SGCZ: variants seen among roughly 807,000 people sequenced by gnomAD.
SGCZ encodes the protein sarcoglycan zeta.
In SGCZ, 40 loss-of-function variants were observed where a neutral mutation model predicts 41.3. That is an observed-to-expected ratio of 0.97 (90% CI 0.75 to 1.26). SGCZ has a LOEUF of 1.26. SGCZ is among the 50% of genes most tolerant of loss of function. SGCZ has a pLI of 0.00. For missense variants in SGCZ, 552 were observed against 369.8 expected, an observed-to-expected ratio of 1.49 and a Z score of -4.04; for synonymous variants, 206 against 137.5, an observed-to-expected ratio of 1.50 and a Z score of -3.49.
At chr8:14,707,653 A>G (rs1035361903) in intron 1 of SGCZ, among the ~76,000 whole-genome samples, 13 of 152,126 alleles carry the variant, frequency 8.5e-5, no homozygotes, top group Non-Finnish European at 1.9e-4. Context: ...CTTACTTTAA[A>G]CCATAAAAAC....
At chr8:14,477,690 G>A (rs533403556) in intron 2 of SGCZ, among the ~76,000 whole-genome samples, 1 of 152,050 alleles carries the variant, frequency 6.6e-6, no homozygotes, top group Admixed American at 6.5e-5. Flanking sequence ...TAAATTTTTT[G>A]AAGTGTTCTG....
chr8:14,653,020 A>T (rs1807453802), intron 1 of SGCZ, among the ~76,000 whole-genome samples: 2 of 152,178 alleles, frequency 1.3e-5, no homozygotes, highest in Admixed American at 6.6e-5. Context: ...ATCATAAATT[A>T]TGAAAGACTA....
chr8:15,028,351 GTCTT>G (rs1019889092), intron 1 of SGCZ, among the ~76,000 whole-genome samples: 92 of 151,878 alleles, frequency 6.1e-4, no homozygotes, highest in African/African-American at 2.2e-3. Context: ...GAACACTATC[GTCTT>G]TCTAAGTTGA....
At chr8:15,121,604 G>A (rs553675927) in intron 1 of SGCZ, among the ~76,000 whole-genome samples, 4 of 152,092 alleles carry the variant, frequency 2.6e-5, no homozygotes, top group Non-Finnish European at 5.9e-5. Context: ...ATAACAATAT[G>A]GGAATTTAAG....
intron 7 of SGCZ, among the ~76,000 whole-genome samples, chr8:14,094,629 A>G (rs1801787301): frequency 6.6e-6 from 1 of 152,130 alleles, no homozygotes; most frequent in African/African-American, 2.4e-5. Flanking sequence ...AGAATGATTT[A>G]TAATCTTTTG....
At chr8:14,461,419 A>T (rs1200293617) in intron 2 of SGCZ, among the ~76,000 whole-genome samples, 1 of 152,012 alleles carries the variant, frequency 6.6e-6, no homozygotes, top group Admixed American at 6.6e-5. Flanking sequence ...AATTTCTTTC[A>T]CAGTTAACAC....
At chr8:15,196,764 T>G (rs1024097353) in intron 1 of SGCZ, among the ~76,000 whole-genome samples, 2 of 152,232 alleles carry the variant, frequency 1.3e-5, no homozygotes, top group African/African-American at 4.8e-5. Context: ...TAGGTATATC[T>G]AAAATTTCTT....
At chr8:14,674,124 G>C (rs1411181587) in intron 1 of SGCZ, among the ~76,000 whole-genome samples, 1 of 150,714 alleles carries the variant, frequency 6.6e-6, no homozygotes, top group Non-Finnish European at 1.5e-5. Flanking sequence ...GTATAACTCA[G>C]AATAAAACAT....
chr8:14,190,349 T>TTATG (rs1036358509), intron 4 of SGCZ, among the ~76,000 whole-genome samples: 1 of 151,622 alleles, frequency 6.6e-6, no homozygotes, highest in Non-Finnish European at 1.5e-5. Context: ...TAATATCCCA[T>TTATG]TATGTATGTA....
intron 2 of SGCZ, among the ~76,000 whole-genome samples, chr8:14,368,391 T>C (rs1337765444): frequency 6.6e-6 from 1 of 152,046 alleles, no homozygotes; most frequent in Non-Finnish European, 1.5e-5. Context: ...ATGGCATACA[T>C]TATCCGTTAG....
intron 1 of SGCZ, among the ~76,000 whole-genome samples, chr8:14,810,937 G>C (rs1369376691): frequency 6.6e-6 from 1 of 151,866 alleles, no homozygotes; most frequent in Non-Finnish European, 1.5e-5. Flanking sequence ...CCTTCACTTG[G>C]AAAACAATTT....
At chr8:14,755,743 T>C (rs902435540) in intron 1 of SGCZ, among the ~76,000 whole-genome samples, 12 of 152,172 alleles carry the variant, frequency 7.9e-5, no homozygotes, top group Non-Finnish European at 1.3e-4. Context: ...GTGCCCTGAT[T>C]GCTCATAACT....
chr8:15,105,846 G>C (rs915953662), intron 1 of SGCZ, among the ~76,000 whole-genome samples: 1 of 152,010 alleles, frequency 6.6e-6, no homozygotes, highest in Non-Finnish European at 1.5e-5. Flanking sequence ...CCTTTTGAAA[G>C]CTCCAGTTTA....
intron 2 of SGCZ, among the ~76,000 whole-genome samples, chr8:14,531,521 A>G (rs1016344336): frequency 6.6e-6 from 1 of 152,088 alleles, no homozygotes; most frequent in African/African-American, 2.4e-5. Flanking sequence ...TGGAAAAGCC[A>G]CAAAGGAAAG....
intron 1 of SGCZ, among the ~76,000 whole-genome samples, chr8:14,984,159 A>G (rs1251533910): frequency 6.6e-6 from 1 of 152,208 alleles, no homozygotes; most frequent in Non-Finnish European, 1.5e-5. Context: ...CACATGTACA[A>G]TTATCAACCC....
intron 5 of SGCZ, among the ~76,000 whole-genome samples, chr8:14,115,044 C>CAAAA (rs201297024): frequency 6.6e-6 from 1 of 151,464 alleles, no homozygotes; most frequent in Non-Finnish European, 1.5e-5. Flanking sequence ...TTCCTACCTC[C>CAAAA]AAAAAAAATG....
At chr8:14,319,710 C>G (rs187726096) in intron 3 of SGCZ, among the ~76,000 whole-genome samples, 223 of 152,002 alleles carry the variant, frequency 1.5e-3, no homozygotes, top group South Asian at 1.9e-3. Flanking sequence ...ATTTGCAGAA[C>G]TGAATGTAAA....
chr8:14,427,866 A>C (rs1344985219), intron 2 of SGCZ, among the ~76,000 whole-genome samples: 1 of 152,204 alleles, frequency 6.6e-6, no homozygotes, highest in African/African-American at 2.4e-5. Context: ...AAAATATTTT[A>C]AAATGAAAAT....
chr8:14,283,217 A>G (rs1800510886), intron 3 of SGCZ, among the ~76,000 whole-genome samples: 1 of 152,090 alleles, frequency 6.6e-6, no homozygotes. Context: ...ATCTTAAATG[A>G]CTATCTAGCT....
Sources: allele counts gnomAD v4.1 joint callset (sites outside exome capture counted in the v4.1 genomes callset), GRCh38; gene constraint gnomAD v4.1.1; transcripts MANE v1.5; gene names NCBI Gene and HGNC (gene_info 2026-07-23, HGNC 2026-07-21).